Variants in SAMD3 observed in about 807,000 individuals in gnomAD.
The protein encoded by SAMD3 is sterile alpha motif domain containing 3.
In SAMD3, 63 loss-of-function variants were observed where a neutral mutation model predicts 58.5. The observed-to-expected ratio is 1.08, with a 90% CI of 0.88 to 1.33. The LOEUF (loss-of-function observed/expected upper bound fraction) is 1.33. Ranked by LOEUF, SAMD3 falls within the 40% of genes most tolerant of loss-of-function variation. SAMD3 has a pLI of 0.00. For missense variants in SAMD3, 604 were observed against 608.4 expected (o/e 0.99, Z 0.08); for synonymous variants, 220 against 210.3 (o/e 1.05, Z -0.40).
chr6:130,177,491 A>G (rs1444626182), intron 7 of SAMD3, among the ~76,000 whole-genome samples: 1 of 152,016 alleles, frequency 6.6e-6, no homozygotes, highest in Admixed American at 6.6e-5. Flanking sequence ...TGGGCCTGGA[A>G]AGCTTTATCC....
intron 2 of SAMD3, among the ~76,000 whole-genome samples, chr6:130,228,815 T>A (rs1796458177): frequency 6.6e-6 from 1 of 152,210 alleles, no homozygotes; most frequent in Non-Finnish European, 1.5e-5. Flanking sequence ...GTGTCTGGGA[T>A]CATTCCCAAG....
intron 5 of SAMD3, among the ~76,000 whole-genome samples, chr6:130,190,089 C>A (rs1040318329): frequency 1.3e-5 from 2 of 152,214 alleles, no homozygotes; most frequent in African/African-American, 4.8e-5. Flanking sequence ...TGTGTATAAA[C>A]TGTTCAAATC....
chr6:130,305,825 ACTTGTCCTAGT>A (rs1775894761), intron 2 of SAMD3, among the ~76,000 whole-genome samples: 1 of 152,232 alleles, frequency 6.6e-6, no homozygotes, highest in African/African-American at 2.4e-5. Context: ...TTTGTTTAGG[ACTTGTCCTAGT>A]CTGTTTGGGC....
At chr6:130,248,607 C>T (rs1368326017) in intron 2 of SAMD3, among the ~76,000 whole-genome samples, 2 of 152,124 alleles carry the variant, frequency 1.3e-5, no homozygotes, top group Non-Finnish European at 2.9e-5. Flanking sequence ...CCTGTCCATC[C>T]CCTAGGTCCT....
intron 1 of SAMD3, among the ~76,000 whole-genome samples, chr6:130,333,038 A>AGTGTGT (rs1167721658): frequency 7.3e-5 from 9 of 123,118 alleles, no homozygotes; most frequent in African/African-American, 2.9e-4. Context: ...GCCACAGTTG[A>AGTGTGT]GTATGCGTGT....
At chr6:130,355,780 G>T (rs1379302514) in intron 1 of SAMD3, among the ~76,000 whole-genome samples, 2 of 152,188 alleles carry the variant, frequency 1.3e-5, no homozygotes, top group Non-Finnish European at 1.5e-5. Context: ...AGAGACAAGA[G>T]GGGCAGCCCC....
chr6:130,196,210 T>G (rs1216550434), intron 5 of SAMD3, among the ~76,000 whole-genome samples: 2 of 152,140 alleles, frequency 1.3e-5, no homozygotes, highest in African/African-American at 2.4e-5. Context: ...TCAGAGGCCT[T>G]TAAAATAACA....
chr6:130,193,545 G>A (rs1388189092), intron 5 of SAMD3, among the ~76,000 whole-genome samples: 2 of 151,704 alleles, frequency 1.3e-5, no homozygotes, highest in Non-Finnish European at 2.9e-5. Flanking sequence ...CCTTCCCTCT[G>A]TGTCTCTACT....
chr6:130,268,225 T>A (rs1774431598), intron 2 of SAMD3, among the ~76,000 whole-genome samples: 1 of 152,068 alleles, frequency 6.6e-6, no homozygotes. Context: ...ATTTTAAAAA[T>A]CGAAAAAAGT....
In SAMD3 at chr6:130,181,559, A is replaced by G. The variant is rs1290773952; in HGVS notation, c.654+2544T>C. On this transcript the variant is annotated intron_variant, in intron 7 of 11. Coordinates refer to ENST00000439090, the MANE Select transcript of SAMD3 (RefSeq NM_001017373.4). ...TGAATGTCACTGGGAACAGATGTGG[A>G]TAAAATGGACACAAGAGCAAAGAAA... 2.0e-5 allele frequency among the ~76,000 whole-genome samples: 3 copies of G among 152,244 alleles called. No homozygotes were observed. In the East Asian group the frequency reaches 5.8e-4, roughly 29 times the overall value.
At chr6:130,360,447 TC>T (rs1777951655) in intron 1 of SAMD3, among the ~76,000 whole-genome samples, 1 of 152,100 alleles carries the variant, frequency 6.6e-6, no homozygotes, top group Non-Finnish European at 1.5e-5. Context: ...TTCTGTGATG[TC>T]CCACAAGCCA....
At chr6:130,204,449 A>T (rs1025221566) in intron 5 of SAMD3, among the ~76,000 whole-genome samples, 6 of 152,144 alleles carry the variant, frequency 3.9e-5, no homozygotes, top group African/African-American at 1.4e-4. Context: ...TCTACAAAAA[A>T]TACAAAAATT....
intron 7 of SAMD3, among the ~76,000 whole-genome samples, chr6:130,177,527 G>A (rs1791840122): frequency 6.6e-6 from 1 of 152,262 alleles, no homozygotes; most frequent in African/African-American, 2.4e-5. Context: ...TAGATGGTAT[G>A]TAGTTAACCC....
intron 5 of SAMD3, among the ~76,000 whole-genome samples, chr6:130,193,853 A>C (rs896995665): frequency 6.6e-6 from 1 of 152,116 alleles, no homozygotes; most frequent in Admixed American, 6.5e-5. Flanking sequence ...TCTTTTACAC[A>C]TCAGTCCCTT....
chr6:130,169,900 A>C (rs1190151726), intron 8 of SAMD3, among the ~76,000 whole-genome samples: 1 of 152,168 alleles, frequency 6.6e-6, no homozygotes, highest in African/African-American at 2.4e-5. Context: ...AATTCCGTTG[A>C]ATTTTGGTGG....
chr6:130,286,732 G>A (rs549681360), intron 2 of SAMD3, among the ~76,000 whole-genome samples: 4 of 152,210 alleles, frequency 2.6e-5, no homozygotes, highest in East Asian at 1.9e-4. Flanking sequence ...TTTGTTTTGA[G>A]ATAGAGTCTT....
chr6:130,151,335 A>AT (rs978920571), intron 9 of SAMD3, among the ~76,000 whole-genome samples: 40 of 149,846 alleles, frequency 2.7e-4, no homozygotes, highest in African/African-American at 5.9e-4. Flanking sequence ...CCTCATACAT[A>AT]TTTTTTTTTT....
intron 1 of SAMD3, among the ~76,000 whole-genome samples, chr6:130,343,267 T>C (rs1160703742): frequency 6.6e-6 from 1 of 151,976 alleles, no homozygotes; most frequent in Non-Finnish European, 1.5e-5. Context: ...ATCGGGATCA[T>C]AAGTGAGCTA....
intron 2 of SAMD3, 52 bp from the exon 3 acceptor site, chr6:130,215,346 T>G: frequency 7.8e-7 from 1 of 1,279,348 alleles, no homozygotes; most frequent in Non-Finnish European, 1.0e-6. Context: ...TGATTGTGCC[T>G]TAATTTTTTT....
Sources: gnomAD v4.1 joint callset for allele counts (sites outside exome capture counted in the v4.1 genomes callset) on GRCh38, gnomAD v4.1.1 for gene constraint, MANE v1.5 for transcripts, NCBI Gene and HGNC (gene_info 2026-07-23, HGNC 2026-07-21) for gene names.